The following GPRIN1 variants were observed in gnomAD, a reference collection of about 807,000 sequenced individuals.
GPRIN1 encodes G protein-regulated inducer of neurite outgrowth 1.
In GPRIN1, 4 loss-of-function variants were observed where a neutral mutation model predicts 2.8. The ratio of observed to expected loss-of-function variants is 1.45; its 90% CI spans 0.71 to 3.32. The LOEUF is 3.32. Among genes scored for constraint, GPRIN1 ranks in the 30% most tolerant of loss-of-function variants. The pLI is 0.01. For missense variants in GPRIN1, 1,322 were observed against 1,343.4 expected, an observed-to-expected ratio of 0.98 and a Z score of 0.25; for synonymous variants, 589 against 589.9, an observed-to-expected ratio of 1.00 and a Z score of 0.02.
chr5:176,597,199 T>C lies in GPRIN1; in HGVS notation c.2636A>G (p.Gln879Arg). 2 of 1,312,690 alleles carry C rather than the reference T, an allele frequency of 1.5e-6. No homozygotes were observed. Among genetic ancestry groups the C allele is most frequent in the Non-Finnish European group, 1.9e-6 (2 of 1,030,656 alleles). 81.3% of individuals were successfully genotyped at this position (1,312,690 alleles called of 1,614,324 possible). ...GGGGAAGGCGGGCGGCGCGGCGGCT[T>C]GAGGTGTCATGGGCCCAGTGGCCAC... ...RSVATGPMTP[Q>R]AAAPPAFPEV... The change falls in exon 2 of 2, where the codon CAA becomes CGA. Residue 879 changes from glutamine to arginine, a missense_variant. Coordinates refer to ENST00000303991, the MANE Select transcript of GPRIN1 (RefSeq NM_052899.3). The surrounding 1 kb of genome is among the most constrained non-coding windows in gnomAD (Gnocchi z 6.1).
At chr5:176,600,506 G>C (rs1759129514) in intron 1 of GPRIN1, among the ~76,000 whole-genome samples, 1 of 152,232 alleles carries the variant, frequency 6.6e-6, no homozygotes, top group Non-Finnish European at 1.5e-5. Context: ...TAGGCCAGGG[G>C]CTGCAAGCTC....
chr5:176,609,018 G>A (rs1176800175), intron 1 of GPRIN1, among the ~76,000 whole-genome samples: 1 of 152,212 alleles, frequency 6.6e-6, no homozygotes, highest in Non-Finnish European at 1.5e-5. Flanking sequence ...AAAGGTGTTA[G>A]CCAGACCTGC....
intron 1 of GPRIN1, among the ~76,000 whole-genome samples, chr5:176,609,270 T>C (rs1325897156): frequency 6.6e-6 from 1 of 152,086 alleles, no homozygotes; most frequent in Non-Finnish European, 1.5e-5. Context: ...GAGTGTGTTG[T>C]GATCAGGGAG....
rs4868663 is a variant in GPRIN1, at chr5:176,597,879, C to T, written c.1956G>A (p.Gly652=). 1,494,525 of 1,613,670 alleles carry T rather than the reference C, an allele frequency of 0.93. 694,013 individuals carry two copies. Among genetic ancestry groups the T allele is most frequent in the Non-Finnish European group, 0.95 (1,118,697 of 1,179,952 alleles). Reference sequence around the variant, plus strand: ...TTTTCAAACACACAGCCCCTGCTTCCCCTGGTGCTGCAGCGCCCTCTTGCC... The same window carrying T: ...TTTTCAAACACACAGCCCCTGCTTCTCCTGGTGCTGCAGCGCCCTCTTGCC... ...LPGQEGAAAP[G]EAGAVCLKKE... Residue 652 remains glycine (G), a synonymous_variant, in exon 2 of 2, where the codon GGG becomes GGA. Transcript: ENST00000303991. This position sits in a 1 kb window ranked among gnomAD's most constrained non-coding sequence, Gnocchi z 6.1.
At position 176,598,739 on chromosome 5, in the gene GPRIN1, C is replaced by T; in HGVS notation, c.1096G>A (p.Ala366Thr). 6.2e-7 allele frequency: 1 copy of T among 1,613,732 alleles called. No individual in the cohort carries two copies. The highest frequency in any genetic ancestry group is 8.5e-7 in the Non-Finnish European group (1 of 1,180,026). Residue 366 changes from alanine (A) to threonine (T), a missense_variant, in exon 2 of 2, where the codon GCC becomes ACC. Physicochemically the swap from Ala to Thr is moderately conservative, Grantham distance 58 (BLOSUM62 0). Transcript: ENST00000303991. The stretch of plus-strand genomic sequence containing the variant: ...AGGAACCGGGAGTCCTCTTTTGTGG[C>T]AGGCACAGTTTCTACATTTCCCACA... The part of the protein sequence containing the change: ...ASVGNVETVP[A>T]TKEDSRFLGK...
intron 1 of GPRIN1, among the ~76,000 whole-genome samples, chr5:176,600,416 T>A (rs1324195834): frequency 6.6e-6 from 1 of 152,170 alleles, no homozygotes; most frequent in Non-Finnish European, 1.5e-5. Flanking sequence ...GCCTAACTTT[T>A]CAACTTTGCC....
At chr5:176,609,752 G>C (rs1377774131) in intron 1 of GPRIN1, among the ~76,000 whole-genome samples, 2 of 151,614 alleles carry the variant, frequency 1.3e-5, no homozygotes, top group East Asian at 1.9e-4. Flanking sequence ...TCTGATGTTC[G>C]GCCCAGGGCT....
At position 176,597,562 on chromosome 5, in the gene GPRIN1, G is replaced by A. The variant is rs1759064944; in HGVS notation, c.2273C>T (p.Thr758Ile). Residue 758 changes from threonine (T) to isoleucine (I), a missense_variant, in exon 2 of 2, where the codon ACC becomes ATC. Thr to Ile is a moderately conservative substitution (Grantham distance 89). Around this residue, in one of 3 missense-constraint regions of GPRIN1, gnomAD observed 1,117 missense variants for 1,128.6 expected, o/e 0.99. Coordinates refer to ENST00000303991, the MANE Select transcript of GPRIN1 (RefSeq NM_052899.3). This position sits in a 1 kb window ranked among gnomAD's most constrained non-coding sequence, Gnocchi z 6.1. ...VEPKAEPVSS[T>I]EASSLGQKDL... The stretch of plus-strand genomic sequence containing the variant: ...TTTCTGGCCGAGACTGGAGGCCTCG[G>A]TGCTGGACACGGGCTCGGCCTTCGG... 5.1e-6 allele frequency: 8 copies of A among 1,579,818 alleles called. No individual in the cohort carries two copies. In the East Asian group the frequency reaches 1.8e-4, roughly 36 times the overall value.
Position 176,598,487 on chromosome 5 carries a change from T to C in GPRIN1, c.1348A>G (p.Thr450Ala), listed in dbSNP as rs145116510. ...AERVSVGKAG[T>A]VSPGKEDPVS... is the part of the protein sequence containing the mutation. The stretch of plus-strand genomic sequence containing the variant: ...GGGTCCTCTTTTCCTGGGGATACAG[T>C]TCCTGCCTTTCCCACAGACACACGC... The change falls in exon 2 of 2, where the codon ACT becomes GCT. Residue 450 changes from threonine (T) to alanine (A), a missense_variant. Coordinates refer to ENST00000303991, the MANE Select transcript of GPRIN1 (RefSeq NM_052899.3). 12 of 1,613,988 alleles carry C rather than the reference T, an allele frequency of 7.4e-6. No homozygotes were observed. Among genetic ancestry groups the C allele is most frequent in the Non-Finnish European group, 1.0e-5 (12 of 1,180,040 alleles).
chr5:176,597,790 G>C lies in GPRIN1; in HGVS notation c.2045C>G (p.Ala682Gly), dbSNP rs763050132. 1 of 1,605,132 alleles carries C rather than the reference G, an allele frequency of 6.2e-7. No individual in the cohort carries two copies. The highest frequency in any genetic ancestry group is 1.1e-5 in the South Asian group (1 of 90,260). ...PGSCRKAEPL[A>G]SGKGEPVSLG... ...GGACACAGGCTCTCCCTTCCCTGAG[G>C]CAAGGGGCTCTGCTTTTCTGCAGGA... The change falls in exon 2 of 2, where the codon GCC becomes GGC. Residue 682 changes from alanine to glycine, a missense_variant. By Grantham distance (60) the Ala-to-Gly change is moderately conservative (BLOSUM62 0). Transcript: ENST00000303991. The surrounding 1 kb of genome is among the most constrained non-coding windows in gnomAD (Gnocchi z 6.1).
At chr5:176,600,015 C>G (rs1390327025) in intron 1 of GPRIN1, 138 bp from the exon 2 acceptor site, 2 of 462,814 alleles carry the variant, frequency 4.3e-6, no homozygotes, top group East Asian at 3.5e-5. Flanking sequence ...AAACACAAAC[C>G]CAAGCATGTC....
At chr5:176,600,500 C>T (rs1024590400) in intron 1 of GPRIN1, among the ~76,000 whole-genome samples, 5 of 152,180 alleles carry the variant, frequency 3.3e-5, no homozygotes, top group Admixed American at 2.0e-4. Context: ...GTCCTCTAGG[C>T]CAGGGGCTGC....
At position 176,596,137 on chromosome 5, in the gene GPRIN1, C is replaced by G. The variant is rs1759029161; in HGVS notation, c.*671G>C. On this transcript the variant is annotated 3_prime_UTR_variant, in exon 2 of 2. Coordinates refer to ENST00000303991, the MANE Select transcript of GPRIN1 (RefSeq NM_052899.3). This position sits in a 1 kb window ranked among gnomAD's most constrained non-coding sequence, Gnocchi z 5.2. ...CCCCCAGGGTACTTCCTGTAGCTGT[C>G]TTTGGCCTCTCTGGGAATCTCAAAC... The G allele has an allele frequency of 6.5e-6, 1 of 153,524 alleles. No individual in the cohort carries two copies. Among genetic ancestry groups the G allele is most frequent in the African/African-American group, 2.4e-5 (1 of 41,478 alleles). 9.5% of individuals were successfully genotyped at this position (153,524 alleles called of 1,614,324 possible). A position where few individuals can be genotyped will look rare whatever the true frequency, so the allele number is the denominator to read the frequency against.
intron 1 of GPRIN1, among the ~76,000 whole-genome samples, chr5:176,604,660 G>A (rs1314568407): frequency 6.6e-6 from 1 of 152,196 alleles, no homozygotes; most frequent in Non-Finnish European, 1.5e-5. Flanking sequence ...AAGCAGGGAA[G>A]TGAATGTGGC....
At chr5:176,608,576 G>A (rs1759260913) in intron 1 of GPRIN1, among the ~76,000 whole-genome samples, 1 of 152,234 alleles carries the variant, frequency 6.6e-6, no homozygotes, top group African/African-American at 2.4e-5. Flanking sequence ...AGCTTGTTGT[G>A]CGTATGTACA....
Position 176,597,776 on chromosome 5 carries a change from C to T in GPRIN1, c.2059G>A (p.Glu687Lys). The T allele has an allele frequency of 1.2e-6, 2 of 1,604,918 alleles. No homozygotes were observed. The highest frequency in any genetic ancestry group is 1.7e-6 in the Non-Finnish European group (2 of 1,175,484). The change falls in exon 2 of 2, where the codon GAG becomes AAG. Residue 687 changes from glutamate (E) to lysine (K), a missense_variant. Physicochemically the swap from Glu to Lys is moderately conservative, Grantham distance 56. Around this residue, in one of 3 missense-constraint regions of GPRIN1, gnomAD observed 1,117 missense variants for 1,128.6 expected, o/e 0.99. Transcript: ENST00000303991. The surrounding 1 kb of genome is among the most constrained non-coding windows in gnomAD (Gnocchi z 6.1). Reference protein sequence around the residue: ...KAEPLASGKGEPVSLGKADSA... With the variant: ...KAEPLASGKGKPVSLGKADSA... ...TCGGCTTTCCCCAGGGACACAGGCT[C>T]TCCCTTCCCTGAGGCAAGGGGCTCT... is the stretch of plus-strand genomic sequence containing the variant.
chr5:176,608,308 A>G (rs555266310), intron 1 of GPRIN1, among the ~76,000 whole-genome samples: 2 of 152,124 alleles, frequency 1.3e-5, no homozygotes, highest in Non-Finnish European at 2.9e-5. Context: ...CATGCAGTAG[A>G]AGAAGCAAGA....
intron 1 of GPRIN1, among the ~76,000 whole-genome samples, chr5:176,604,310 C>T (rs906690237): frequency 3.9e-5 from 6 of 152,166 alleles, no homozygotes; most frequent in East Asian, 1.9e-4. Context: ...GGGGTGGCAG[C>T]GGAAGAGGAG....
chr5:176,595,977 T>A lies in GPRIN1; in HGVS notation c.*831A>T. On this transcript the variant is annotated 3_prime_UTR_variant, in exon 2 of 2. Transcript: ENST00000303991. ...AGACAACTGTGGTTATAGAATGAGC[T>A]CTCTGTCCTGTCCCCAATACCCAAG... 1 of 251,030 alleles carries A rather than the reference T, an allele frequency of 4.0e-6. No homozygotes were observed. Among genetic ancestry groups the A allele is most frequent in the Non-Finnish European group, 7.6e-6 (1 of 132,348 alleles). 15.6% of individuals were successfully genotyped at this position (251,030 alleles called of 1,614,324 possible).
Sources: allele counts gnomAD v4.1 joint callset (sites outside exome capture counted in the v4.1 genomes callset), GRCh38; gene constraint gnomAD v4.1.1; regional missense constraint gnomAD v4.1.1; non-coding constraint Gnocchi (gnomAD v3.1); transcripts MANE v1.5; gene names NCBI Gene and HGNC (gene_info 2026-07-23, HGNC 2026-07-21).